POLN: variants seen among roughly 807,000 people sequenced by gnomAD.
POLN encodes the protein DNA polymerase N.
POLN carries 108 observed loss-of-function variants against 113.5 expected under a neutral mutation model. The observed-to-expected ratio is 0.95, with a 90% confidence interval of 0.81 to 1.12. The LOEUF (loss-of-function observed/expected upper bound fraction) is 1.12. Ranked by LOEUF, POLN falls within the 50% of genes most tolerant of loss-of-function variation. The probability of loss-of-function intolerance (pLI) is 0.00; values close to 1 mark genes in which losing one functional copy is unlikely to be tolerated. For missense variants in POLN, 1,097 were observed against 1,077.1 expected, an observed-to-expected ratio of 1.02 and a Z score of -0.26; for synonymous variants, 386 against 391.5, an observed-to-expected ratio of 0.99 and a Z score of 0.17.
rs528515776 is a variant in POLN at position 2,098,046 on chromosome 4, T to TA, written c.1983-2114dup. Among the ~76,000 whole-genome samples the TA allele has an allele frequency of 1.5e-4, 23 of 152,340 alleles. No individual in the cohort carries two copies. In the South Asian group the frequency reaches 4.6e-3, roughly 30 times the overall value. On this transcript the variant is annotated intron_variant, in intron 19 of 25. Transcript: ENST00000511885. ...AGTTTTCCCCCTTTTCCTGCTGTGTTAAGCTATTTTGCCACCTTGTTTAGC... is the reference window on the plus strand; with the variant it reads ...AGTTTTCCCCCTTTTCCTGCTGTGTTAAAGCTATTTTGCCACCTTGTTTAGC...
intron 3 of POLN, among the ~76,000 whole-genome samples, chr4:2,217,161 C>T (rs867245): frequency 1.3e-5 from 2 of 151,970 alleles, no homozygotes; most frequent in African/African-American, 4.8e-5. Flanking sequence ...ACCTGTCAAG[C>T]CACTAACCGC....
At chr4:2,235,464 A>C (rs918723726) in intron 2 of POLN, among the ~76,000 whole-genome samples, 1 of 152,248 alleles carries the variant, frequency 6.6e-6, no homozygotes, top group Non-Finnish European at 1.5e-5. Flanking sequence ...ATAGTAACAA[A>C]AACTGTAAAT....
At chr4:2,165,061 C>T (rs1245261332) in intron 13 of POLN, among the ~76,000 whole-genome samples, 1 of 152,154 alleles carries the variant, frequency 6.6e-6, no homozygotes, top group Non-Finnish European at 1.5e-5. Context: ...TTTCATCCAG[C>T]AATCATACTC....
chr4:2,135,761 T>C (rs1731840439), intron 16 of POLN, among the ~76,000 whole-genome samples: 1 of 152,174 alleles, frequency 6.6e-6, no homozygotes, highest in Non-Finnish European at 1.5e-5. Context: ...GATGAAAGCG[T>C]GGCTATCACA....
At chr4:2,097,627 C>T (rs1398413114) in intron 19 of POLN, among the ~76,000 whole-genome samples, 8 of 148,314 alleles carry the variant, frequency 5.4e-5, no homozygotes, top group Non-Finnish European at 6.0e-5. Flanking sequence ...GGATTACAGG[C>T]GTGAGCCACC....
At chr4:2,075,333 G>T in intron 24 of POLN, 119 bp downstream of exon 24, 1 of 1,079,982 alleles carries the variant, frequency 9.3e-7, no homozygotes, top group Non-Finnish European at 1.3e-6. Context: ...CAATGAGGTG[G>T]GGCAGGGGCC....
intron 22 of POLN, chr4:2,081,388 A>G: frequency 1.6e-6 from 1 of 620,716 alleles, no homozygotes; most frequent in Non-Finnish European, 2.8e-6. Context: ...TATGGGGAAC[A>G]GTACTGCCTG....
chr4:2,162,609 AC>A (rs1732627735), intron 13 of POLN, among the ~76,000 whole-genome samples: 1 of 152,050 alleles, frequency 6.6e-6, no homozygotes, highest in South Asian at 2.1e-4. Context: ...GGTGCATGCC[AC>A]CATGCCCAGC....
intron 13 of POLN, among the ~76,000 whole-genome samples, chr4:2,165,411 G>A (rs1239367788): frequency 6.6e-6 from 1 of 152,220 alleles, no homozygotes; most frequent in Admixed American, 6.5e-5. Context: ...GTGGCTGTCA[G>A]GGGCTGGTGG....
chr4:2,191,009 C>T (rs984304812), intron 7 of POLN, among the ~76,000 whole-genome samples: 1 of 152,100 alleles, frequency 6.6e-6, no homozygotes, highest in Non-Finnish European at 1.5e-5. Flanking sequence ...TCCAGCAATC[C>T]CACTCCTGGG....
intron 19 of POLN, among the ~76,000 whole-genome samples, chr4:2,121,345 G>C (rs886303033): frequency 6.6e-6 from 1 of 151,660 alleles, no homozygotes; most frequent in Admixed American, 6.6e-5. Context: ...TGAGGCAGGA[G>C]AATCTCTTGA....
chr4:2,077,231 C>T (rs551662502), intron 23 of POLN, among the ~76,000 whole-genome samples: 3 of 152,346 alleles, frequency 2.0e-5, no homozygotes, highest in East Asian at 1.9e-4. Context: ...AGAGGGACTT[C>T]GGTCCTGCTG....
intron 16 of POLN, among the ~76,000 whole-genome samples, chr4:2,144,437 CT>C (rs1437408588): frequency 6.6e-5 from 10 of 152,166 alleles, no homozygotes; most frequent in South Asian, 2.1e-4. Flanking sequence ...GCCACCGCCC[CT>C]GGTCCTAAAA....
intron 5 of POLN, among the ~76,000 whole-genome samples, chr4:2,201,925 G>C (rs556707795): frequency 6.6e-6 from 1 of 152,204 alleles, no homozygotes; most frequent in East Asian, 1.9e-4. Flanking sequence ...ACGAAACTAA[G>C]CTTCATAAAT....
intron 19 of POLN, among the ~76,000 whole-genome samples, chr4:2,119,197 A>T (rs1731384527): frequency 6.6e-6 from 1 of 152,230 alleles, no homozygotes; most frequent in Non-Finnish European, 1.5e-5. Flanking sequence ...AAAAATGAAC[A>T]TATTCTGCAG....
intron 19 of POLN, among the ~76,000 whole-genome samples, chr4:2,122,471 G>A (rs142195936): frequency 1.3e-5 from 2 of 152,172 alleles, no homozygotes; most frequent in Non-Finnish European, 2.9e-5. Flanking sequence ...AGTAAATGAT[G>A]AGCCCACAAA....
chr4:2,204,109 C>CAAAAA (rs566255148), intron 5 of POLN, among the ~76,000 whole-genome samples: 4 of 53,232 alleles, frequency 7.5e-5, no homozygotes, highest in African/African-American at 2.3e-4. Flanking sequence ...AACTCTATCA[C>CAAAAA]AAAAAAAAAA....
intron 7 of POLN, among the ~76,000 whole-genome samples, chr4:2,188,220 A>T (rs7691609): frequency 0.25 from 37,360 of 151,978 alleles, 7,072 homozygotes; most frequent in African/African-American, 0.51. Context: ...AAAAGAGATA[A>T]AGCCCCAGAC....
At chr4:2,213,793 A>T (rs1019181762) in intron 3 of POLN, among the ~76,000 whole-genome samples, 1 of 152,240 alleles carries the variant, frequency 6.6e-6, no homozygotes, top group Non-Finnish European at 1.5e-5. Context: ...TAAATGGCAT[A>T]AAAAAAGATC....
Sources: allele counts gnomAD v4.1 joint callset (sites outside exome capture counted in the v4.1 genomes callset), GRCh38; gene constraint gnomAD v4.1.1; transcripts MANE v1.5; gene names NCBI Gene and HGNC (gene_info 2026-07-23, HGNC 2026-07-21).